The following NEGR1 variants were observed in gnomAD, a reference collection of about 807,000 sequenced individuals.
The protein encoded by NEGR1 is neuronal growth regulator 1, also known as IgLON family member 4.
In NEGR1, 10 loss-of-function variants were observed where a neutral mutation model predicts 40.9. The ratio of observed to expected loss-of-function variants is 0.24; its 90% CI spans 0.15 to 0.42. NEGR1 has a LOEUF of 0.42. NEGR1 is among the 10% of genes least tolerant of loss of function. NEGR1 has a pLI of 1.00. For missense variants in NEGR1, 352 were observed against 438.9 expected (o/e 0.80, Z 1.77); for synonymous variants, 185 against 166.8 (o/e 1.11, Z -0.84).
At chr1:71,601,353 C>T (rs1038088177) in intron 5 of NEGR1, among the ~76,000 whole-genome samples, 8 of 152,186 alleles carry the variant, frequency 5.3e-5, no homozygotes, top group African/African-American at 1.9e-4. Context: ...AAAGGGTATG[C>T]TTGTACATGA....
At chr1:71,725,031 C>A (rs1654627087) in intron 3 of NEGR1, among the ~76,000 whole-genome samples, 1 of 152,078 alleles carries the variant, frequency 6.6e-6, no homozygotes, top group Non-Finnish European at 1.5e-5. Context: ...GAATCATCAA[C>A]CTTCATTGCC....
intron 3 of NEGR1, among the ~76,000 whole-genome samples, chr1:71,744,240 C>T (rs1296557974): frequency 6.8e-6 from 1 of 148,112 alleles, no homozygotes; most frequent in Non-Finnish European, 1.5e-5. Flanking sequence ...CATAATTTAT[C>T]CTTTGTAAAG....
intron 1 of NEGR1, among the ~76,000 whole-genome samples, chr1:72,227,798 C>G (rs1283457130): frequency 1.3e-5 from 2 of 152,034 alleles, no homozygotes. Flanking sequence ...TTAGAGACAG[C>G]TTTGAATTTC....
chr1:72,107,524 G>A (rs943869857), intron 1 of NEGR1, among the ~76,000 whole-genome samples: 4 of 151,406 alleles, frequency 2.6e-5, no homozygotes, highest in African/African-American at 9.7e-5. Context: ...TCAAAGAAAA[G>A]CTAATTTTAG....
chr1:72,076,262 G>C (rs1384912969), intron 1 of NEGR1, among the ~76,000 whole-genome samples: 1 of 152,156 alleles, frequency 6.6e-6, no homozygotes, highest in East Asian at 1.9e-4. Flanking sequence ...AGGAATTAGT[G>C]CCTCTATAAA....
At chr1:72,159,743 T>C (rs1379184337) in intron 1 of NEGR1, among the ~76,000 whole-genome samples, 1 of 152,126 alleles carries the variant, frequency 6.6e-6, no homozygotes. Context: ...TTTTGGGGGA[T>C]ACGATTACTC....
At chr1:72,145,982 C>G (rs796167629) in intron 1 of NEGR1, among the ~76,000 whole-genome samples, 1 of 148,166 alleles carries the variant, frequency 6.7e-6, no homozygotes, top group Admixed American at 6.9e-5. Flanking sequence ...TATTGAGCAG[C>G]ATTCTCAGAG....
At chr1:71,683,265 G>A (rs1159677332) in intron 4 of NEGR1, among the ~76,000 whole-genome samples, 2 of 151,848 alleles carry the variant, frequency 1.3e-5, no homozygotes, top group African/African-American at 4.8e-5. Context: ...TTAATGTGAA[G>A]GGATCTCCTC....
chr1:72,189,439 T>C (rs74088180), intron 1 of NEGR1, among the ~76,000 whole-genome samples: 1 of 151,678 alleles, frequency 6.6e-6, no homozygotes, highest in African/African-American at 2.4e-5. Context: ...TGTCAAATGT[T>C]TGAAAACATC....
intron 1 of NEGR1, among the ~76,000 whole-genome samples, chr1:71,951,023 T>G (rs1388880481): frequency 2.6e-5 from 4 of 151,960 alleles, no homozygotes; most frequent in African/African-American, 9.7e-5. Context: ...GTACAATTAT[T>G]TAATGGCCTC....
At chr1:72,225,145 T>C (rs1309057552) in intron 1 of NEGR1, among the ~76,000 whole-genome samples, 1 of 151,908 alleles carries the variant, frequency 6.6e-6, no homozygotes, top group African/African-American at 2.4e-5. Context: ...TTCCAACACA[T>C]GTAGCTGAGG....
At chr1:72,235,884 GC>G (rs1654528923) in intron 1 of NEGR1, among the ~76,000 whole-genome samples, 1 of 152,016 alleles carries the variant, frequency 6.6e-6, no homozygotes, top group Non-Finnish European at 1.5e-5. Context: ...ATAATCTTAA[GC>G]AAAATGTATT....
At chr1:71,966,370 T>C (rs1393351298) in intron 1 of NEGR1, among the ~76,000 whole-genome samples, 1 of 152,180 alleles carries the variant, frequency 6.6e-6, no homozygotes, top group Admixed American at 6.5e-5. Context: ...GATCGAAAAG[T>C]ATTTTAAGTG....
intron 1 of NEGR1, among the ~76,000 whole-genome samples, chr1:72,251,491 T>G (rs530211576): frequency 6.6e-6 from 1 of 152,290 alleles, no homozygotes; most frequent in South Asian, 2.1e-4. Flanking sequence ...CAGAAACTCC[T>G]GGAGATAGCA....
chr1:72,095,830 GTGAATTA>G (rs1257534284), intron 1 of NEGR1, among the ~76,000 whole-genome samples: 1 of 152,062 alleles, frequency 6.6e-6, no homozygotes, highest in Non-Finnish European at 1.5e-5. Flanking sequence ...ACCTACGAGG[GTGAATTA>G]TGATGAAATT....
intron 1 of NEGR1, among the ~76,000 whole-genome samples, chr1:71,992,792 T>G (rs956954654): frequency 6.6e-6 from 1 of 152,198 alleles, no homozygotes; most frequent in Non-Finnish European, 1.5e-5. Flanking sequence ...GAATGAAATC[T>G]GAGTTGCAGC....
chr1:72,257,198 T>C (rs369005988), intron 1 of NEGR1, among the ~76,000 whole-genome samples: 1 of 150,270 alleles, frequency 6.7e-6, no homozygotes, highest in African/African-American at 2.4e-5. Flanking sequence ...GGCGGGCGCC[T>C]GTAGTCCCAG....
chr1:71,704,021 A>T (rs988639031), intron 3 of NEGR1, among the ~76,000 whole-genome samples: 1 of 152,024 alleles, frequency 6.6e-6, no homozygotes, highest in Non-Finnish European at 1.5e-5. Flanking sequence ...GCTAAAAACC[A>T]GAGGAAAAGA....
intron 4 of NEGR1, among the ~76,000 whole-genome samples, chr1:71,671,688 A>AAATACCATG (rs1392041064): frequency 4.6e-5 from 7 of 152,070 alleles, no homozygotes; most frequent in Admixed American, 2.6e-4. Flanking sequence ...ATTGTCTGAT[A>AAATACCATG]AATACCATGG....
Sources: gnomAD v4.1 joint callset for allele counts (sites outside exome capture counted in the v4.1 genomes callset) on GRCh38, gnomAD v4.1.1 for gene constraint, MANE v1.5 for transcripts, NCBI Gene and HGNC (gene_info 2026-07-23, HGNC 2026-07-21) for gene names.